Variants in SIPA1 observed in about 807,000 individuals in gnomAD.
SIPA1 encodes signal-induced proliferation-associated 1.
A neutral mutation model predicts 88.1 loss-of-function variants in SIPA1; 51 were observed. That is an observed-to-expected ratio of 0.58 (90% CI 0.46 to 0.73). The LOEUF is 0.73. Among genes scored for constraint, SIPA1 ranks in the 30% least tolerant of loss-of-function variants. The pLI, the probability that SIPA1 is intolerant of heterozygous loss-of-function variation, is 0.00. For synonymous variants in SIPA1, 681 were observed against 664.8 expected, an observed-to-expected ratio of 1.02 and a Z score of -0.37; for missense variants, 1,348 against 1,467.6, an observed-to-expected ratio of 0.92 and a Z score of 1.33.
At position 65,649,661 on chromosome 11, in the gene SIPA1, C is replaced by G; in HGVS notation, c.2626C>G (p.Pro876Ala). 6.2e-7 allele frequency: 1 copy of G among 1,614,054 alleles called. No individual in the cohort carries two copies. Among genetic ancestry groups the G allele is most frequent in the Non-Finnish European group, 8.5e-7 (1 of 1,180,042 alleles). ...AGTACCCAGTGCTGACAGTGAGACACCCCTGACCCAGGTGAGCAGAAACCA... is the reference window on the plus strand; with the variant it reads ...AGTACCCAGTGCTGACAGTGAGACAGCCCTGACCCAGGTGAGCAGAAACCA... Reference protein sequence around the residue: ...PSVPSADSETPLTQDRPGSPS... With the variant: ...PSVPSADSETALTQDRPGSPS... Residue 876 changes from proline to alanine, a missense_variant, in exon 11 of 16, where the codon CCC becomes GCC. Transcript: ENST00000534313.
Position 65,650,193 on chromosome 11 carries a change from G to A in SIPA1, c.2903+1G>A. On this transcript the variant is annotated splice_donor_variant, in intron 14 of 15. Coordinates refer to ENST00000534313, the MANE Select transcript of SIPA1 (RefSeq NM_006747.4). LOFTEE classifies it high-confidence loss of function. ...AGGGAACTCCAAAATCTGATGCTGAGTAAGCTCCCCAACTCCCCACAGCCG... is the reference window on the plus strand; with the variant it reads ...AGGGAACTCCAAAATCTGATGCTGAATAAGCTCCCCAACTCCCCACAGCCG... The A allele has an allele frequency of 6.2e-7, 1 of 1,614,062 alleles. No individual in the cohort carries two copies. Among genetic ancestry groups the A allele is most frequent in the South Asian group, 1.1e-5 (1 of 91,082 alleles).
At chr11:65,643,939 G>A (rs908177457) in intron 4 of SIPA1, among the ~76,000 whole-genome samples, 18 of 152,150 alleles carry the variant, frequency 1.2e-4, no homozygotes, top group African/African-American at 3.6e-4. Context: ...TGTACGGGGC[G>A]GGGATGCCAG....
intron 11 of SIPA1, 37 bp downstream of exon 11, chr11:65,649,709 G>A: frequency 6.2e-7 from 1 of 1,614,058 alleles, no homozygotes; most frequent in Non-Finnish European, 8.5e-7. Flanking sequence ...CAACAGCACA[G>A]TGGTGACAGT....
chr11:65,639,506 C>T (rs1376686985), intron 1 of SIPA1, among the ~76,000 whole-genome samples: 1 of 152,160 alleles, frequency 6.6e-6, no homozygotes, highest in Admixed American at 6.5e-5. Context: ...GCTGGGGAGC[C>T]GACTCTTGCT....
At chr11:65,643,767 G>C (rs1210340472) in intron 4 of SIPA1, among the ~76,000 whole-genome samples, 2 of 152,314 alleles carry the variant, frequency 1.3e-5, no homozygotes, top group East Asian at 3.9e-4. Context: ...GAGAATGAGA[G>C]CATGGCACAT....
intron 1 of SIPA1, chr11:65,639,109 T>C (rs373738285): frequency 7.2e-5 from 11 of 152,324 alleles, no homozygotes; most frequent in African/African-American, 2.6e-4. Context: ...TTAAACCCAA[T>C]TTTTTTCTTT....
chr11:65,649,779 G>T lies in SIPA1; in HGVS notation c.2660G>T (p.Gly887Val), dbSNP rs781389238. 3.7e-6 allele frequency: 6 copies of T among 1,614,062 alleles called. No individual in the cohort carries two copies. The highest frequency in any genetic ancestry group is 5.1e-6 in the Non-Finnish European group (6 of 1,180,042). The stretch of plus-strand genomic sequence containing the variant: ...CAGGACAGGCCAGGCAGTCCCAGTG[G>T]CTCTGAGGACAAGGGCAACCCGGCG... ...LTQDRPGSPS[G>V]SEDKGNPAPE... The change falls in exon 12 of 16, where the codon GGC (glycine) becomes GTC (valine). Residue 887 changes from glycine to valine, a missense_variant. Gly to Val is a moderately radical substitution (Grantham distance 109). Coordinates refer to ENST00000534313, the MANE Select transcript of SIPA1 (RefSeq NM_006747.4).
Position 65,641,129 on chromosome 11 carries a change from G to A in SIPA1, c.208G>A (p.Ala70Thr), listed in dbSNP as rs1452206638. Residue 70 changes from alanine to threonine, a missense_variant, in exon 2 of 16, where the codon GCC becomes ACC. This residue lies in a region of SIPA1 where 641 missense variants were observed against 797.7 expected (regional missense o/e 0.80). Transcript: ENST00000534313. Reference sequence around the variant, plus strand: ...GCCCCCCACGCCAGCCAGCCCCCGTGCCCGTGCCCACAGCCACGAAGAGGC... The same window carrying A: ...GCCCCCCACGCCAGCCAGCCCCCGTACCCGTGCCCACAGCCACGAAGAGGC... The part of the protein sequence containing the change: ...ARPPTPASPR[A>T]RAHSHEEASR... The A allele has an allele frequency of 1.2e-6, 2 of 1,602,862 alleles. No individual in the cohort carries two copies. Among genetic ancestry groups the A allele is most frequent in the Non-Finnish European group, 1.7e-6 (2 of 1,179,268 alleles).
At position 65,647,524 on chromosome 11, in the gene SIPA1, C is replaced by CG; in HGVS notation, c.2176dup (p.Ala726GlyfsTer58). Reference sequence around the variant, plus strand: ...TCGCCGAGACGGCGGGGCTGCGGCCCGGGGCGCGCCTCCTGCGCGTGTGCG... The same window carrying CG: ...TCGCCGAGACGGCGGGGCTGCGGCCCGGGGGCGCGCCTCCTGCGCGTGTGCG... On this transcript the variant is annotated frameshift_variant, in exon 9 of 16. Transcript: ENST00000534313. LOFTEE classifies it high-confidence loss of function. 1 of 1,362,096 alleles carries CG rather than the reference C, an allele frequency of 7.3e-7. No homozygotes were observed. 84.4% of individuals were successfully genotyped at this position (1,362,096 alleles called of 1,614,324 possible). A position where few individuals can be genotyped will look rare whatever the true frequency, so the allele number is the denominator to read the frequency against.
intron 4 of SIPA1, among the ~76,000 whole-genome samples, chr11:65,643,826 G>A (rs1856055034): frequency 6.6e-6 from 1 of 152,204 alleles, no homozygotes; most frequent in African/African-American, 2.4e-5. Context: ...GGGAGGGGCG[G>A]GGGAGAAGCT....
chr11:65,648,852 T>C (rs1322613259), intron 9 of SIPA1, among the ~76,000 whole-genome samples: 1 of 150,144 alleles, frequency 6.7e-6, no homozygotes, highest in East Asian at 2.0e-4. Context: ...AAAAAAAAAG[T>C]AAAATCCATG....
chr11:65,647,696 G>A, intron 9 of SIPA1, 38 bp downstream of exon 9: 2 of 1,311,408 alleles, frequency 1.5e-6, no homozygotes, highest in African/African-American at 1.6e-5. Context: ...GGGAGGGCCG[G>A]CAGTTGGCCA....
Position 65,641,255 on chromosome 11 carries a change from G to A in SIPA1, c.334G>A (p.Glu112Lys), listed in dbSNP as rs1565179016. The A allele has an allele frequency of 6.2e-7, 1 of 1,613,542 alleles. No individual in the cohort carries two copies. Among genetic ancestry groups the A allele is most frequent in the Non-Finnish European group, 8.5e-7 (1 of 1,180,028 alleles). Residue 112 changes from glutamate (E) to lysine (K), a missense_variant, in exon 2 of 16, where the codon GAG becomes AAG. By Grantham distance (56) the Glu-to-Lys change is moderately conservative (BLOSUM62 1). This residue lies in a region of SIPA1 where 641 missense variants were observed against 797.7 expected (regional missense o/e 0.80). Transcript: ENST00000534313. ...AGAGCCTGCCTTCCCACCAGTGCTTGAGCCTCGATGGTTTGCCCACTATGA... is the reference window on the plus strand; with the variant it reads ...AGAGCCTGCCTTCCCACCAGTGCTTAAGCCTCGATGGTTTGCCCACTATGA... ...EPEPAFPPVL[E>K]PRWFAHYDVQ...
Position 65,646,867 on chromosome 11 carries a change from G to A in SIPA1, c.1833G>A (p.Leu611=), listed in dbSNP as rs1329916470. 1.3e-6 allele frequency: 2 copies of A among 1,491,410 alleles called. No homozygotes were observed. Among genetic ancestry groups the A allele is most frequent in the Non-Finnish European group, 1.8e-6 (2 of 1,124,006 alleles). 92.4% of individuals were successfully genotyped at this position (1,491,410 alleles called of 1,614,324 possible). A position where few individuals can be genotyped will look rare whatever the true frequency, so the allele number is the denominator to read the frequency against. The change falls in exon 8 of 16, where the codon CTG becomes CTA. Residue 611 remains leucine (L), a synonymous_variant. Coordinates refer to ENST00000534313, the MANE Select transcript of SIPA1 (RefSeq NM_006747.4). The surrounding 1 kb of genome is among the most constrained non-coding windows in gnomAD (Gnocchi z 7.5). ...GPEGIEVPCL[L]GISAEALVLV... ...AAGGCATCGAGGTGCCCTGCCTGCT[G>A]GGCATCTCGGCCGAGGCTCTGGTGC...
rs757284297 is a variant in SIPA1, at chr11:65,642,266, C to T, written c.696C>T (p.Phe232=). The change falls in exon 3 of 16, where the codon TTC becomes TTT. Residue 232 remains phenylalanine, a synonymous_variant. Coordinates refer to ENST00000534313, the MANE Select transcript of SIPA1 (RefSeq NM_006747.4). The surrounding 1 kb of genome is among the most constrained non-coding windows in gnomAD (Gnocchi z 6.5). ...GTCCCCCAGAACATCAGAACTTCTT[C>T]GGGATGGACGAGTCGCTGGGCCCGG... ...YFYGKEHQNF[F]GMDESLGPVA... The T allele has an allele frequency of 2.0e-4, 312 of 1,553,730 alleles. No homozygotes were observed. Among genetic ancestry groups the T allele is most frequent in the Middle Eastern group, 6.8e-4 (4 of 5,858 alleles).
chr11:65,638,599 GA>G (rs1855943826), intron 1 of SIPA1, among the ~76,000 whole-genome samples: 1 of 152,186 alleles, frequency 6.6e-6, no homozygotes, highest in Admixed American at 6.5e-5. Context: ...CCTGGCAGCC[GA>G]AATGGGGTCA....
chr11:65,638,121 T>TAGCGGGAG lies in SIPA1; in HGVS notation c.-147_-140dup, dbSNP rs1855932083. The TAGCGGGAG allele has an allele frequency of 6.6e-6, 1 of 151,982 alleles. No homozygotes were observed. Among genetic ancestry groups the TAGCGGGAG allele is most frequent in the Admixed American group, 6.6e-5 (1 of 15,262 alleles). 9.4% of individuals were successfully genotyped at this position (151,982 alleles called of 1,614,324 possible). ...CAGGCGGAGCCGGCGCCGGGAGCGG[T>TAGCGGGAG]AGCGGGAGAGCGGCAGCGGGACCCC... On this transcript the variant is annotated 5_prime_UTR_variant, in exon 1 of 16. Coordinates refer to ENST00000534313, the MANE Select transcript of SIPA1 (RefSeq NM_006747.4).
chr11:65,640,803 C>T, intron 1 of SIPA1, 28 bp from the exon 2 acceptor site: 1 of 903,100 alleles, frequency 1.1e-6, no homozygotes, highest in African/African-American at 1.8e-5. Flanking sequence ...CTGCCCAGGC[C>T]CCTCTGAGCA....
In SIPA1 at chr11:65,650,118, T is replaced by C; in HGVS notation, c.2849-20T>C. On this transcript the variant is annotated intron_variant, in intron 13 of 15. Transcript: ENST00000534313. ...TTGCCCCCTTTCTGACCTGCCCACC[T>C]GATCCCTTTGTCCCCACAGGACAGC... 1 of 1,614,036 alleles carries C rather than the reference T, an allele frequency of 6.2e-7. No individual in the cohort carries two copies. The highest frequency in any genetic ancestry group is 8.5e-7 in the Non-Finnish European group (1 of 1,179,948).
Sources: allele counts gnomAD v4.1 joint callset (sites outside exome capture counted in the v4.1 genomes callset), GRCh38; gene constraint gnomAD v4.1.1; regional missense constraint gnomAD v4.1.1; non-coding constraint Gnocchi (gnomAD v3.1); transcripts MANE v1.5; gene names NCBI Gene and HGNC (gene_info 2026-07-23, HGNC 2026-07-21).